The following PCDHA4 variants were observed in gnomAD, a reference collection of about 807,000 sequenced individuals.
The protein encoded by PCDHA4 is protocadherin alpha 4.
PCDHA4 carries 49 observed loss-of-function variants against 61.4 expected under a neutral mutation model. The ratio of observed to expected loss-of-function variants is 0.80; its 90% CI spans 0.63 to 1.01. PCDHA4 has a LOEUF of 1.01. Among genes scored for constraint, PCDHA4 ranks in the 50% least tolerant of loss-of-function variants. The pLI, the probability that PCDHA4 is intolerant of heterozygous loss-of-function variation, is 0.00. For synonymous variants in PCDHA4, 590 were observed against 550.3 expected (o/e 1.07, Z -1.01); for missense variants, 1,254 against 1,235.8 (o/e 1.01, Z -0.22).
At chr5:140,890,141 C>T (rs573390664) in intron 1 of PCDHA4, among the ~76,000 whole-genome samples, 6 of 152,182 alleles carry the variant, frequency 3.9e-5, no homozygotes, top group African/African-American at 1.4e-4. Context: ...TGAAATTGGC[C>T]ATGGTAGGAG....
Position 140,809,366 on chromosome 5 carries a change from C to A in PCDHA4, c.2179C>A (p.Pro727Thr), listed in dbSNP as rs782392679. 3 of 1,613,980 alleles carry A rather than the reference C, an allele frequency of 1.9e-6. No homozygotes were observed. In the Admixed American group the frequency reaches 5.0e-5, roughly 27 times the overall value. ...CACCGCGCTGCGGTGCTCTGCGCTG[C>A]CCACCGAGGGCGCGTGCGCTCCGGG... Reference protein sequence around the residue: ...LYTALRCSALPTEGACAPGKP... With the variant: ...LYTALRCSALTTEGACAPGKP... The change falls in exon 1 of 4, where the codon CCC becomes ACC. Residue 727 changes from proline (P) to threonine (T), a missense_variant. By Grantham distance (38) the Pro-to-Thr change is conservative. Coordinates refer to ENST00000530339, the MANE Select transcript of PCDHA4 (RefSeq NM_018907.4).
chr5:140,858,120 T>A, intron 1 of PCDHA4: 1 of 1,597,738 alleles, frequency 6.3e-7, no homozygotes, highest in Non-Finnish European at 8.6e-7. Context: ...GAGGTGGCCC[T>A]GGTGGATGTC....
intron 1 of PCDHA4, chr5:140,864,231 T>G (rs949424981): frequency 2.0e-5 from 3 of 152,222 alleles, no homozygotes; most frequent in Non-Finnish European, 4.4e-5. Flanking sequence ...AAGCAAGTTC[T>G]TTATTCCTAT....
chr5:140,842,170 C>T (rs1360420045), intron 1 of PCDHA4: 2 of 1,613,662 alleles, frequency 1.2e-6, no homozygotes, highest in African/African-American at 2.7e-5. Context: ...CTTTTAATAG[C>T]CTTGTTGAAA....
At chr5:140,836,282 G>C (rs1554135789) in intron 1 of PCDHA4, 6 of 1,613,806 alleles carry the variant, frequency 3.7e-6, no homozygotes, top group Non-Finnish European at 5.1e-6. Context: ...AGATCAGCAC[G>C]ACACGAGCCC....
chr5:140,834,198 C>A, intron 1 of PCDHA4: 3 of 594,856 alleles, frequency 5.0e-6, no homozygotes, highest in East Asian at 2.8e-5. Flanking sequence ...CGCTCTTTAC[C>A]GCAAATTCTT....
chr5:140,822,174 CAG>C lies in PCDHA4; in HGVS notation c.2385+12604_2385+12605del, dbSNP rs2150114335. 10 of 1,614,246 alleles carry C rather than the reference CAG, an allele frequency of 6.2e-6. No homozygotes were observed. In the East Asian group the frequency reaches 2.0e-4, roughly 32 times the overall value. On this transcript the variant is annotated intron_variant, in intron 1 of 3. Coordinates refer to ENST00000530339, the MANE Select transcript of PCDHA4 (RefSeq NM_018907.4). ...TCAATGACAATCCGCCCAGGTTCTC[CAG>C]ACAAGAACAAAGATTATTCATTTTA...
rs2150492739 is a variant in PCDHA4 at position 140,850,664 on chromosome 5, C to G, written c.2385+41092C>G. On this transcript the variant is annotated intron_variant, in intron 1 of 3. Coordinates refer to ENST00000530339, the MANE Select transcript of PCDHA4 (RefSeq NM_018907.4). Reference sequence around the variant, plus strand: ...TGCTGCTGTACACTGTGCTGCGGTGCTCGGCGATGCCCACCGAGGGCGAGT... The same window carrying G: ...TGCTGCTGTACACTGTGCTGCGGTGGTCGGCGATGCCCACCGAGGGCGAGT... 4.4e-6 allele frequency: 7 copies of G among 1,598,280 alleles called. No individual in the cohort carries two copies. In the African/African-American group the frequency reaches 9.4e-5, roughly 22 times the overall value.
chr5:140,899,513 C>T (rs4552682), intron 1 of PCDHA4, among the ~76,000 whole-genome samples: 7,065 of 152,042 alleles, frequency 0.046, 286 homozygotes, highest in African/African-American at 0.11. Flanking sequence ...GCATATATTG[C>T]ATCCCAGGGA....
intron 1 of PCDHA4, among the ~76,000 whole-genome samples, chr5:140,910,364 TATGCCCACCTTGCC>T: frequency 6.6e-6 from 1 of 152,222 alleles, no homozygotes; most frequent in Admixed American, 6.5e-5. Context: ...TTATGGTAGC[TATGCCCACCTTGCC>T]TTTGACAGTT....
intron 1 of PCDHA4, among the ~76,000 whole-genome samples, chr5:140,912,045 C>T (rs1276989293): frequency 2.0e-5 from 3 of 152,196 alleles, no homozygotes; most frequent in African/African-American, 4.8e-5. Flanking sequence ...AGTCCCAAAG[C>T]TGAAGAACTT....
At chr5:140,902,400 C>T (rs2069421777) in intron 1 of PCDHA4, among the ~76,000 whole-genome samples, 1 of 151,930 alleles carries the variant, frequency 6.6e-6, no homozygotes, top group South Asian at 2.1e-4. Flanking sequence ...ATGTTGAATA[C>T]TATGTTGAAT....
chr5:140,838,075 ATAGTGTGTGTGTGTGTGTGTGTGT>A (rs2150283450), intron 1 of PCDHA4, among the ~76,000 whole-genome samples: 41 of 128,134 alleles, frequency 3.2e-4, no homozygotes, highest in South Asian at 2.7e-4. Context: ...TTATATATAT[ATAGTGTGTGTGTGTGTGTGTGTGT>A]GTGTGTGTGT....
At chr5:140,904,447 C>T (rs2071139964) in intron 1 of PCDHA4, among the ~76,000 whole-genome samples, 1 of 151,118 alleles carries the variant, frequency 6.6e-6, no homozygotes, top group Non-Finnish European at 1.5e-5. Flanking sequence ...ATTACAATTT[C>T]TTTATACACT....
At position 140,856,143 on chromosome 5, in the gene PCDHA4, A is replaced by G. The variant is rs782449893; in HGVS notation, c.2385+46571A>G. 6 of 1,598,020 alleles carry G rather than the reference A, an allele frequency of 3.8e-6. 1 individual carries two copies. The South Asian group carries it at 6.6e-5, about 18-fold the overall frequency. On this transcript the variant is annotated intron_variant, in intron 1 of 3. Coordinates refer to ENST00000530339, the MANE Select transcript of PCDHA4 (RefSeq NM_018907.4). ...GAGGTGGGGAGCGGCCAGCTCCACTACTCAGTCTACGAGGAGGCCAGACAC... is the reference window on the plus strand; with the variant it reads ...GAGGTGGGGAGCGGCCAGCTCCACTGCTCAGTCTACGAGGAGGCCAGACAC...
At chr5:140,937,982 A>G (rs1227498616) in intron 1 of PCDHA4, among the ~76,000 whole-genome samples, 1 of 151,926 alleles carries the variant, frequency 6.6e-6, no homozygotes, top group Non-Finnish European at 1.5e-5. Flanking sequence ...TACTGATTTT[A>G]TGTTAACTTT....
chr5:140,843,243 A>G, intron 1 of PCDHA4: 2 of 1,595,128 alleles, frequency 1.3e-6, no homozygotes, highest in Non-Finnish European at 1.7e-6. Context: ...GACGAAGCGG[A>G]CTCTCCGCGC....
chr5:140,944,003 C>A (rs1185007409), intron 1 of PCDHA4, among the ~76,000 whole-genome samples: 11 of 152,038 alleles, frequency 7.2e-5, no homozygotes, highest in African/African-American at 2.2e-4. Flanking sequence ...CTACTGAGTA[C>A]CCCCCAAAAG....
chr5:141,004,101 T>C (rs2098153096), intron 3 of PCDHA4, among the ~76,000 whole-genome samples: 1 of 152,220 alleles, frequency 6.6e-6, no homozygotes, highest in Admixed American at 6.5e-5. Flanking sequence ...TCCGTTTTCA[T>C]CTTCTTCAAA....
Sources: gnomAD v4.1 joint callset for allele counts (sites outside exome capture counted in the v4.1 genomes callset) on GRCh38, gnomAD v4.1.1 for gene constraint, MANE v1.5 for transcripts, NCBI Gene and HGNC (gene_info 2026-07-23, HGNC 2026-07-21) for gene names.